NKAIN2: variants seen among roughly 807,000 people sequenced by gnomAD.
The protein encoded by NKAIN2 is sodium/potassium-transporting ATPase subunit beta-1-interacting protein 2.
NKAIN2 carries 14 observed loss-of-function variants against 32.6 expected under a neutral mutation model. The observed-to-expected ratio is 0.43, with a 90% CI of 0.28 to 0.67. The LOEUF (loss-of-function observed/expected upper bound fraction) is 0.67. NKAIN2 is among the 30% of genes least tolerant of loss of function. The pLI is 0.17. For missense variants in NKAIN2, 198 were observed against 258.3 expected (o/e 0.77, Z 1.60); for synonymous variants, 80 against 87.2 (o/e 0.92, Z 0.46).
intron 3 of NKAIN2, among the ~76,000 whole-genome samples, chr6:124,656,952 G>A (rs1462248672): frequency 6.6e-6 from 1 of 152,088 alleles, no homozygotes; most frequent in South Asian, 2.1e-4. Context: ...AGGTTCCAAA[G>A]ATACTTTGAA....
chr6:124,708,738 G>T (rs1405401059), intron 4 of NKAIN2, among the ~76,000 whole-genome samples: 14 of 152,022 alleles, frequency 9.2e-5, no homozygotes, highest in Admixed American at 1.3e-4. Flanking sequence ...AAGAGTTTGG[G>T]CTGAGACAAT....
chr6:124,782,446 AT>A (rs35057369), intron 4 of NKAIN2, among the ~76,000 whole-genome samples: 1 of 152,038 alleles, frequency 6.6e-6, no homozygotes, highest in South Asian at 2.1e-4. Context: ...AATGCCAGTT[AT>A]TTTTGCAACT....
At chr6:124,525,146 A>G (rs926075131) in intron 3 of NKAIN2, among the ~76,000 whole-genome samples, 1 of 152,308 alleles carries the variant, frequency 6.6e-6, no homozygotes, top group Middle Eastern at 3.4e-3. Flanking sequence ...AGAGATAGGA[A>G]AAAAGATTTG....
chr6:123,812,576 T>A (rs1773520893), intron 1 of NKAIN2, among the ~76,000 whole-genome samples: 1 of 152,156 alleles, frequency 6.6e-6, no homozygotes, highest in African/African-American at 2.4e-5. Flanking sequence ...GTTGCAGTAG[T>A]TTTGGAACTT....
chr6:124,572,648 G>A (rs1188036316), intron 3 of NKAIN2, among the ~76,000 whole-genome samples: 1 of 151,176 alleles, frequency 6.6e-6, no homozygotes, highest in Non-Finnish European at 1.5e-5. Flanking sequence ...CTTACCAAAT[G>A]TTATCCAATT....
chr6:124,284,593 A>G (rs750930731), intron 2 of NKAIN2, among the ~76,000 whole-genome samples: 2 of 152,010 alleles, frequency 1.3e-5, no homozygotes, highest in Non-Finnish European at 2.9e-5. Context: ...TAAATATTTC[A>G]TCTTTATTTC....
chr6:124,250,422 C>T (rs1239974170), intron 1 of NKAIN2, among the ~76,000 whole-genome samples: 1 of 151,720 alleles, frequency 6.6e-6, no homozygotes, highest in Non-Finnish European at 1.5e-5. Context: ...CTATGGACTC[C>T]AAATACAAAG....
At chr6:124,561,321 T>C (rs1780683289) in intron 3 of NKAIN2, among the ~76,000 whole-genome samples, 1 of 152,224 alleles carries the variant, frequency 6.6e-6, no homozygotes, top group Admixed American at 6.5e-5. Context: ...CAGCCATTCA[T>C]CATCTCTTTC....
chr6:123,973,612 A>G (rs1778431137), intron 1 of NKAIN2, among the ~76,000 whole-genome samples: 1 of 152,108 alleles, frequency 6.6e-6, no homozygotes, highest in African/African-American at 2.4e-5. Context: ...CCTGCTATTC[A>G]AAACTCCAAA....
intron 3 of NKAIN2, among the ~76,000 whole-genome samples, chr6:124,386,307 T>G (rs1371310446): frequency 6.6e-6 from 1 of 152,130 alleles, no homozygotes; most frequent in Non-Finnish European, 1.5e-5. Flanking sequence ...GGTGTTATCA[T>G]TCAATAGCTT....
intron 1 of NKAIN2, among the ~76,000 whole-genome samples, chr6:124,020,659 C>A (rs1489769033): frequency 6.6e-6 from 1 of 152,106 alleles, no homozygotes; most frequent in African/African-American, 2.4e-5. Flanking sequence ...AAACTCATCT[C>A]TGATAATCTA....
At chr6:124,461,669 G>A (rs541210395) in intron 3 of NKAIN2, among the ~76,000 whole-genome samples, 1 of 151,824 alleles carries the variant, frequency 6.6e-6, no homozygotes, top group African/African-American at 2.4e-5. Context: ...AAACCATTGA[G>A]AATGCCTTTA....
chr6:123,857,767 A>G (rs1011459872), intron 1 of NKAIN2, among the ~76,000 whole-genome samples: 3 of 152,106 alleles, frequency 2.0e-5, no homozygotes, highest in Non-Finnish European at 4.4e-5. Context: ...GCAGAACACT[A>G]TCGATTGTAT....
At chr6:123,898,813 A>G (rs1774414324) in intron 1 of NKAIN2, among the ~76,000 whole-genome samples, 1 of 151,704 alleles carries the variant, frequency 6.6e-6, no homozygotes. Context: ...TTTAACTTAG[A>G]CTCACCTCCA....
intron 1 of NKAIN2, among the ~76,000 whole-genome samples, chr6:124,047,978 A>C (rs1368590491): frequency 6.6e-6 from 1 of 152,026 alleles, no homozygotes; most frequent in Non-Finnish European, 1.5e-5. Flanking sequence ...ATTGTGCTTC[A>C]TATGTATTTG....
chr6:123,835,856 T>A (rs923773036), intron 1 of NKAIN2, among the ~76,000 whole-genome samples: 1 of 152,286 alleles, frequency 6.6e-6, no homozygotes, highest in African/African-American at 2.4e-5. Context: ...GGTTCATGGT[T>A]GGACAGTACA....
chr6:124,409,264 C>A (rs1425900621), intron 3 of NKAIN2, among the ~76,000 whole-genome samples: 1 of 152,102 alleles, frequency 6.6e-6, no homozygotes, highest in African/African-American at 2.4e-5. Context: ...GCATCCCTGT[C>A]TTGTGCCAGT....
intron 3 of NKAIN2, among the ~76,000 whole-genome samples, chr6:124,504,924 G>A (rs573032556): frequency 6.6e-6 from 1 of 152,314 alleles, no homozygotes; most frequent in Admixed American, 6.5e-5. Context: ...AGTAGCAGCA[G>A]AGGCAACTGT....
chr6:124,171,673 C>T (rs1230868118), intron 1 of NKAIN2, among the ~76,000 whole-genome samples: 1 of 151,196 alleles, frequency 6.6e-6, no homozygotes, highest in Non-Finnish European at 1.5e-5. Context: ...GCCTCAGCCT[C>T]CCAAGTAACT....
Sources: allele counts gnomAD v4.1 joint callset (sites outside exome capture counted in the v4.1 genomes callset), GRCh38; gene constraint gnomAD v4.1.1; transcripts MANE v1.5; gene names NCBI Gene and HGNC (gene_info 2026-07-23, HGNC 2026-07-21).